Variants in GDF11 observed in about 807,000 individuals in gnomAD.
The protein encoded by GDF11 is growth/differentiation factor 11.
In GDF11, 12 loss-of-function variants were observed where a neutral mutation model predicts 34.4. The ratio of observed to expected loss-of-function variants is 0.35; its 90% CI spans 0.22 to 0.57. The LOEUF is 0.57. Ranked by LOEUF, GDF11 falls within the 20% of genes least tolerant of loss-of-function variation. The pLI is 0.86. For missense variants in GDF11, 346 were observed against 548.2 expected (o/e 0.63, Z 3.68); for synonymous variants, 212 against 231.1 (o/e 0.92, Z 0.75).
chr12:55,749,979 C>T lies in GDF11; in HGVS notation c.*97C>T, dbSNP rs543160959. 6,381 of 1,042,896 alleles carry T rather than the reference C, an allele frequency of 6.1e-3. 23 individuals carry two copies. Among genetic ancestry groups the T allele is most frequent in the Non-Finnish European group, 7.4e-3 (5,293 of 710,944 alleles). The allele number at this position is 1,042,896 out of a possible 1,614,324, so 64.6% of individuals were successfully genotyped here. A position where few individuals can be genotyped will look rare whatever the true frequency, so the allele number is the denominator to read the frequency against. On this transcript the variant is annotated 3_prime_UTR_variant, in exon 3 of 3. Transcript: ENST00000257868. The surrounding 1 kb of genome is among the most constrained non-coding windows in gnomAD (Gnocchi z 5.6). ...GCCCTAGAGCTCCCTCCACTCTTCC[C>T]GCGAACATCACACCGTTCCCCGACC...
rs561495485 is a variant in GDF11 at position 55,755,796 on chromosome 12, A to C, written c.*5914A>C. The C allele has an allele frequency of 6.6e-6, 1 of 152,274 alleles. No individual in the cohort carries two copies. The highest frequency in any genetic ancestry group is 2.1e-4 in the South Asian group (1 of 4,826). 9.4% of individuals were successfully genotyped at this position (152,274 alleles called of 1,614,324 possible). ...GGGATGAAAGAGGTTAATAAGAAAA[A>C]AAAAAAAATCCTCACAAATTGGAAA... On this transcript the variant is annotated 3_prime_UTR_variant, in exon 3 of 3. Transcript: ENST00000257868.
At position 55,749,801 on chromosome 12, in the gene GDF11, C is replaced by T. The variant is rs1878265103; in HGVS notation, c.1143C>T (p.Asn381=). The T allele has an allele frequency of 6.2e-7, 1 of 1,614,096 alleles. No homozygotes were observed. The highest frequency in any genetic ancestry group is 8.5e-7 in the Non-Finnish European group (1 of 1,179,990). ...CCCCCACCAAGATGTCCCCAATCAA[C>T]ATGCTCTACTTCAATGACAAGCAGC... ...CCTPTKMSPI[N]MLYFNDKQQI... Residue 381 remains asparagine, a synonymous_variant, in exon 3 of 3, where the codon AAC becomes AAT. Coordinates refer to ENST00000257868, the MANE Select transcript of GDF11 (RefSeq NM_005811.5). The surrounding 1 kb of genome is among the most constrained non-coding windows in gnomAD (Gnocchi z 5.6).
chr12:55,748,790 G>A lies in GDF11; in HGVS notation c.650G>A (p.Arg217His), dbSNP rs577610115. Reference protein sequence around the residue: ...GTAGGGGGGRRHIRIRSLKIE... With the variant: ...GTAGGGGGGRHHIRIRSLKIE... ...GCAGGGGGAGGGGGCGGAGGCCGGC[G>A]TCACATCCGTATCCGCTCACTGAAG... Residue 217 changes from arginine to histidine, a missense_variant, in exon 2 of 3, where the codon CGT becomes CAT. By Grantham distance (29) the Arg-to-His change is conservative. Transcript: ENST00000257868. This position sits in a 1 kb window ranked among gnomAD's most constrained non-coding sequence, Gnocchi z 5.6. 45 of 1,614,184 alleles carry A rather than the reference G, an allele frequency of 2.8e-5. No homozygotes were observed. The highest frequency in any genetic ancestry group is 3.3e-5 in the Admixed American group (2 of 60,032).
In GDF11 at chr12:55,749,899, T is replaced by C; in HGVS notation, c.*17T>C. On this transcript the variant is annotated 3_prime_UTR_variant, in exon 3 of 3. Coordinates refer to ENST00000257868, the MANE Select transcript of GDF11 (RefSeq NM_005811.5). The surrounding 1 kb of genome is among the most constrained non-coding windows in gnomAD (Gnocchi z 5.6). ...TGCTCTTAAGGTGGGGGATAGAGGA[T>C]GCCTCCCCCACAGACCCTACCCCAA... 1.3e-6 allele frequency: 2 copies of C among 1,598,432 alleles called. No individual in the cohort carries two copies. The highest frequency in any genetic ancestry group is 1.3e-5 in the African/African-American group (1 of 74,854).
Position 55,749,378 on chromosome 12 carries a change from A to T in GDF11, c.844-124A>T, listed in dbSNP as rs1019388881. 3 of 1,027,410 alleles carry T rather than the reference A, an allele frequency of 2.9e-6. No individual in the cohort carries two copies. The highest frequency in any genetic ancestry group is 3.2e-5 in the African/African-American group (2 of 62,356). The allele number at this position is 1,027,410 out of a possible 1,614,324, so 63.6% of individuals were successfully genotyped here. ...GCAAAAGATAAATTCTGGGGGTGGG[A>T]GCAATGGAAAAGCTGAGAAGTCAGC... On this transcript the variant is annotated intron_variant, in intron 2 of 2. Transcript: ENST00000257868. This position sits in a 1 kb window ranked among gnomAD's most constrained non-coding sequence, Gnocchi z 5.6.
In GDF11 at chr12:55,743,471, C is replaced by T; in HGVS notation, c.155C>T (p.Ala52Val). 6.8e-7 allele frequency: 1 copy of T among 1,476,388 alleles called. No homozygotes were observed. Among genetic ancestry groups the T allele is most frequent in the Non-Finnish European group, 9.0e-7 (1 of 1,113,832 alleles). The allele number at this position is 1,476,388 out of a possible 1,614,324, so 91.5% of individuals were successfully genotyped here. ...GVGGERSSRP[A>V]PSVAPEPDGC... ...GGGGGGGAGCGCTCCAGCCGGCCAG[C>T]CCCGTCCGTGGCGCCCGAGCCGGAC... The change falls in exon 1 of 3, where the codon GCC becomes GTC. Residue 52 changes from alanine to valine, a missense_variant. Coordinates refer to ENST00000257868, the MANE Select transcript of GDF11 (RefSeq NM_005811.5).
At chr12:55,744,067 G>A (rs924403436) in intron 1 of GDF11, among the ~76,000 whole-genome samples, 1 of 152,162 alleles carries the variant, frequency 6.6e-6, no homozygotes, top group Non-Finnish European at 1.5e-5. Flanking sequence ...GCTGGGGCTG[G>A]GCAGTGACTC....
intron 1 of GDF11, among the ~76,000 whole-genome samples, chr12:55,743,966 C>T (rs1259253568): frequency 1.3e-5 from 2 of 152,118 alleles, no homozygotes; most frequent in African/African-American, 4.8e-5. Flanking sequence ...GCCTAGTTCC[C>T]GGAGGTTGGG....
chr12:55,745,524 G>A (rs1331327167), intron 1 of GDF11, among the ~76,000 whole-genome samples: 3 of 150,514 alleles, frequency 2.0e-5, no homozygotes, highest in Admixed American at 1.3e-4. Flanking sequence ...CTGGGTCTCC[G>A]GCCAGGTATT....
Position 55,744,258 on chromosome 12 carries a change from GA to G in GDF11, c.445+499del, listed in dbSNP as rs145448987. The stretch of plus-strand genomic sequence containing the variant: ...CAGAGAACTGTGTGCTTTCTCCCAA[GA>G]ATAGGGTCCCAGAGCCCTGTACACC... On this transcript the variant is annotated intron_variant, in intron 1 of 2. Transcript: ENST00000257868. Among the ~76,000 whole-genome samples the G allele has an allele frequency of 4.0e-4, 61 of 152,294 alleles. No individual in the cohort carries two copies. The East Asian group carries it at 9.5e-3, about 24-fold the overall frequency.
At chr12:55,747,077 A>G (rs1878201253) in intron 1 of GDF11, among the ~76,000 whole-genome samples, 1 of 152,222 alleles carries the variant, frequency 6.6e-6, no homozygotes, top group Non-Finnish European at 1.5e-5. Flanking sequence ...TAATGGCAAG[A>G]AAATAGACAA....
At position 55,756,793 on chromosome 12, in the gene GDF11, T is replaced by C. The variant is rs575450772; in HGVS notation, c.*6911T>C. ...CAAAATTTCTTCTGTCTCTGAGGGA[T>C]ATCCAGCCCATCTCCCTTCCTGAAC... On this transcript the variant is annotated 3_prime_UTR_variant, in exon 3 of 3. Transcript: ENST00000257868. 1.3e-5 allele frequency: 2 copies of C among 152,378 alleles called. No individual in the cohort carries two copies. Among genetic ancestry groups the C allele is most frequent in the African/African-American group, 4.8e-5 (2 of 41,586 alleles). The allele number at this position is 152,378 out of a possible 1,614,324, so 9.4% of individuals were successfully genotyped here.
At chr12:55,745,909 AAG>A (rs1263277393) in intron 1 of GDF11, among the ~76,000 whole-genome samples, 1 of 148,186 alleles carries the variant, frequency 6.7e-6, no homozygotes, top group Non-Finnish European at 1.5e-5. Flanking sequence ...TCCCCACACC[AAG>A]AGGCCCCTGC....
At position 55,752,437 on chromosome 12, in the gene GDF11, T is replaced by A. The variant is rs1046826671; in HGVS notation, c.*2555T>A. ...CATAAATCTGTGAGCTGAAGTCTCATTCCCCTGTTCCTCCCTACCCCCAAA... is the reference window on the plus strand; with the variant it reads ...CATAAATCTGTGAGCTGAAGTCTCAATCCCCTGTTCCTCCCTACCCCCAAA... On this transcript the variant is annotated 3_prime_UTR_variant, in exon 3 of 3. Coordinates refer to ENST00000257868, the MANE Select transcript of GDF11 (RefSeq NM_005811.5). 1 of 151,952 alleles carries A rather than the reference T, an allele frequency of 6.6e-6. No individual in the cohort carries two copies. Among genetic ancestry groups the A allele is most frequent in the African/African-American group, 2.4e-5 (1 of 41,354 alleles). 9.4% of individuals were successfully genotyped at this position (151,952 alleles called of 1,614,324 possible). A position where few individuals can be genotyped will look rare whatever the true frequency, so the allele number is the denominator to read the frequency against.
rs1158456161 is a variant in GDF11, at chr12:55,752,362, T to TTGTG, written c.*2489_*2492dup. The TTGTG allele has an allele frequency of 3.2e-5, 4 of 124,618 alleles. No individual in the cohort carries two copies. The highest frequency in any genetic ancestry group is 1.3e-4 in the African/African-American group (4 of 31,896). The allele number at this position is 124,618 out of a possible 1,614,324, so 7.7% of individuals were successfully genotyped here. On this transcript the variant is annotated 3_prime_UTR_variant, in exon 3 of 3. Transcript: ENST00000257868. ...CTTAAATACCACCAAATAAAGACCTTTGTGTGTGTGTGGTGGGTGGGGGGG... is the reference window on the plus strand; with the variant it reads ...CTTAAATACCACCAAATAAAGACCTTTGTGTGTGTGTGTGTGGTGGGTGGGGGGG...
Position 55,754,964 on chromosome 12 carries a change from T to C in GDF11, c.*5082T>C, listed in dbSNP as rs1011850637. 6.6e-6 allele frequency: 1 copy of C among 152,130 alleles called. No individual in the cohort carries two copies. The highest frequency in any genetic ancestry group is 6.5e-5 in the Admixed American group (1 of 15,282). 9.4% of individuals were successfully genotyped at this position (152,130 alleles called of 1,614,324 possible). A position where few individuals can be genotyped will look rare whatever the true frequency, so the allele number is the denominator to read the frequency against. Reference sequence around the variant, plus strand: ...ACAGGAATAACATAAGGGAAAGAGATAACAAGAAAGTTAGGGACACCTTGG... The same window carrying C: ...ACAGGAATAACATAAGGGAAAGAGACAACAAGAAAGTTAGGGACACCTTGG... On this transcript the variant is annotated 3_prime_UTR_variant, in exon 3 of 3. Coordinates refer to ENST00000257868, the MANE Select transcript of GDF11 (RefSeq NM_005811.5).
intron 1 of GDF11, among the ~76,000 whole-genome samples, chr12:55,744,460 A>C (rs956051046): frequency 6.6e-6 from 1 of 152,072 alleles, no homozygotes; most frequent in Admixed American, 6.6e-5. Context: ...TCCATCCCTT[A>C]TTCGCCCACC....
chr12:55,746,151 C>T (rs1878181248), intron 1 of GDF11, among the ~76,000 whole-genome samples: 1 of 152,310 alleles, frequency 6.6e-6, no homozygotes, highest in Non-Finnish European at 1.5e-5. Flanking sequence ...TTTTCCTCCC[C>T]ATCAGAGCTC....
At position 55,748,784 on chromosome 12, in the gene GDF11, G is replaced by C; in HGVS notation, c.644G>C (p.Gly215Ala). The C allele has an allele frequency of 6.2e-7, 1 of 1,614,196 alleles. No homozygotes were observed. The highest frequency in any genetic ancestry group is 8.5e-7 in the Non-Finnish European group (1 of 1,180,036). The change falls in exon 2 of 3, where the codon GGC becomes GCC. Residue 215 changes from glycine (G) to alanine (A), a missense_variant. By Grantham distance (60) the Gly-to-Ala change is moderately conservative. Coordinates refer to ENST00000257868, the MANE Select transcript of GDF11 (RefSeq NM_005811.5). This position sits in a 1 kb window ranked among gnomAD's most constrained non-coding sequence, Gnocchi z 5.6. ...GEGTAGGGGG[G>A]RRHIRIRSLK... Reference sequence around the variant, plus strand: ...GGGACCGCAGGGGGAGGGGGCGGAGGCCGGCGTCACATCCGTATCCGCTCA... The same window carrying C: ...GGGACCGCAGGGGGAGGGGGCGGAGCCCGGCGTCACATCCGTATCCGCTCA...
Sources: allele counts gnomAD v4.1 joint callset (sites outside exome capture counted in the v4.1 genomes callset), GRCh38; gene constraint gnomAD v4.1.1; non-coding constraint Gnocchi (gnomAD v3.1); transcripts MANE v1.5; gene names NCBI Gene and HGNC (gene_info 2026-07-23, HGNC 2026-07-21).